Variants in GPN2 observed in about 807,000 individuals in gnomAD.
GPN2 encodes ATP-binding domain 1 family member B.
A neutral mutation model predicts 30.1 loss-of-function variants in GPN2; 27 were observed. That is an observed-to-expected ratio of 0.90 (90% confidence interval 0.66 to 1.24). GPN2 has a LOEUF of 1.24. Among genes scored for constraint, GPN2 ranks in the 50% most tolerant of loss-of-function variants. The probability of loss-of-function intolerance (pLI) is 0.00; values close to 1 mark genes in which losing one functional copy is unlikely to be tolerated. For synonymous variants in GPN2, 212 were observed against 174.4 expected (o/e 1.22, Z -1.70); for missense variants, 406 against 405.4 (o/e 1.00, Z -0.01).
At chr1:26,887,827 C>T (rs935600347) in intron 2 of GPN2, among the ~76,000 whole-genome samples, 3 of 151,100 alleles carry the variant, frequency 2.0e-5, no homozygotes, top group Admixed American at 6.6e-5. Flanking sequence ...TCCCAAAGTG[C>T]TGGGATTACA....
intron 2 of GPN2, chr1:26,886,588 A>C (rs113312820): frequency 2.5e-6 from 1 of 398,092 alleles, no homozygotes. Context: ...ACTTTGGGAG[A>C]TGGACGGATC....
At chr1:26,888,401 T>A (rs2081902439) in intron 2 of GPN2, among the ~76,000 whole-genome samples, 1 of 152,194 alleles carries the variant, frequency 6.6e-6, no homozygotes, top group South Asian at 2.1e-4. Context: ...GATCTTGGAC[T>A]TACCAGCCTC....
At position 26,887,554 on chromosome 1, in the gene GPN2, G is replaced by A. The variant is rs549637359; in HGVS notation, c.568+1415C>T. On this transcript the variant is annotated intron_variant, in intron 2 of 4. Coordinates refer to ENST00000374135, the MANE Select transcript of GPN2 (RefSeq NM_018066.4). ...TTAGGGAACAATGTCCCCAGTTCAG[G>A]AGAGTACTAATTTTTTTTTTTTTTT... 4.6e-5 allele frequency among the ~76,000 whole-genome samples: 7 copies of A among 152,066 alleles called. No homozygotes were observed. In the East Asian group the frequency reaches 1.4e-3, roughly 29 times the overall value.
intron 4 of GPN2, among the ~76,000 whole-genome samples, chr1:26,882,826 C>T (rs1243035044): frequency 6.6e-6 from 1 of 152,222 alleles, no homozygotes; most frequent in East Asian, 1.9e-4. Flanking sequence ...CTGAACACAG[C>T]ACATCTGCCA....
chr1:26,886,174 G>C, intron 2 of GPN2, 41 bp from the exon 3 acceptor site: 1 of 1,482,604 alleles, frequency 6.7e-7, no homozygotes. Context: ...CCAGTATCAG[G>C]CTAAAGACCT....
chr1:26,889,814 G>A lies in GPN2; in HGVS notation c.283C>T (p.Leu95=). Residue 95 remains leucine (L), a synonymous_variant, in exon 1 of 5, where the codon CTG becomes TTG. Coordinates refer to ENST00000374135, the MANE Select transcript of GPN2 (RefSeq NM_018066.4). ...MEYLEANLDW[L]RAKLDPLRGH... is the part of the protein sequence containing the mutation. Reference sequence around the variant, plus strand: ...CGGAGGGGGTCGAGCTTGGCACGCAGCCAGTCCAGGTTGGCTTCCAGGTAC... The same window carrying A: ...CGGAGGGGGTCGAGCTTGGCACGCAACCAGTCCAGGTTGGCTTCCAGGTAC... 1.9e-6 allele frequency: 3 copies of A among 1,613,860 alleles called. No individual in the cohort carries two copies. The highest frequency in any genetic ancestry group is 1.1e-5 in the South Asian group (1 of 91,086).
intron 4 of GPN2, among the ~76,000 whole-genome samples, chr1:26,883,099 G>A (rs1260968826): frequency 2.0e-5 from 3 of 152,004 alleles, no homozygotes; most frequent in Admixed American, 6.5e-5. Flanking sequence ...CCCCAATCAC[G>A]TCCCTTAAAT....
chr1:26,886,046 C>A lies in GPN2; in HGVS notation c.656G>T (p.Arg219Leu). The change falls in exon 3 of 5, where the codon CGC (arginine) becomes CTC (leucine). Residue 219 changes from arginine (R) to leucine (L), a missense_variant. Physicochemically the swap from Arg to Leu is moderately radical, Grantham distance 102. Transcript: ENST00000374135. ...LASDPFFRHY[R>L]QLNEKLVQLI... ...CTGCACTAGCTTCTCATTGAGCTGG[C>A]GGTAGTGGCGGAAGAAAGGGTCAGA... The A allele has an allele frequency of 6.2e-7, 1 of 1,613,006 alleles. No homozygotes were observed. The highest frequency in any genetic ancestry group is 8.5e-7 in the Non-Finnish European group (1 of 1,179,100).
At chr1:26,884,679 A>G (rs1292580861) in intron 3 of GPN2, among the ~76,000 whole-genome samples, 1 of 152,202 alleles carries the variant, frequency 6.6e-6, no homozygotes, top group Non-Finnish European at 1.5e-5. Flanking sequence ...ATGAATATGC[A>G]TGTTTTAAAT....
chr1:26,885,927 G>C (rs187131037), intron 3 of GPN2, 46 bp downstream of exon 3: 29 of 1,452,822 alleles, frequency 2.0e-5, no homozygotes, highest in Non-Finnish European at 6.7e-6. Flanking sequence ...CTTTTGGCTT[G>C]GTGAATCCCA....
At chr1:26,886,548 G>A (rs1277935225) in intron 2 of GPN2, 2 of 437,834 alleles carry the variant, frequency 4.6e-6, no homozygotes, top group Admixed American at 2.4e-5. Context: ...AATTAGGCCA[G>A]GTGCGGTGGC....
rs77967497 is a variant in GPN2 at position 26,886,210 on chromosome 1, T to C, written c.569-77A>G. On this transcript the variant is annotated intron_variant, in intron 2 of 4. Coordinates refer to ENST00000374135, the MANE Select transcript of GPN2 (RefSeq NM_018066.4). ...GAGGACGAGGTTCCTTTTTCCTTTT[T>C]TCCTTTGTGCACTCATGCACTCAAA... 5,697 of 990,342 alleles carry C rather than the reference T, an allele frequency of 5.8e-3. 224 individuals carry two copies. In the African/African-American group the frequency reaches 0.08, roughly 14 times the overall value. The allele number at this position is 990,342 out of a possible 1,614,324, so 61.3% of individuals were successfully genotyped here.
chr1:26,884,033 C>T (rs1321879720), intron 4 of GPN2, 127 bp downstream of exon 4: 2 of 715,814 alleles, frequency 2.8e-6, no homozygotes, highest in African/African-American at 1.9e-5. Context: ...GAGCAAGACT[C>T]CATCTCAAAA....
chr1:26,884,311 C>T, intron 3 of GPN2, 21 bp from the exon 4 acceptor site: 1 of 1,594,276 alleles, frequency 6.3e-7, no homozygotes. Flanking sequence ...AGGAGAGAAA[C>T]AGTTCTGTGA....
chr1:26,883,469 G>C (rs1034837804), intron 4 of GPN2, among the ~76,000 whole-genome samples: 1 of 152,026 alleles, frequency 6.6e-6, no homozygotes, highest in Non-Finnish European at 1.5e-5. Flanking sequence ...CAGTCATCAG[G>C]AAGCCCAACT....
At position 26,884,359 on chromosome 1, in the gene GPN2, A is replaced by C; in HGVS notation, c.730-69T>G. ...TATGTAAAACTGCTTGCAATCTCTA[A>C]ATACACCTTCCTCCATCTTGCCTCT... is the stretch of plus-strand genomic sequence containing the variant. On this transcript the variant is annotated intron_variant, in intron 3 of 4. Coordinates refer to ENST00000374135, the MANE Select transcript of GPN2 (RefSeq NM_018066.4). 5 of 1,497,602 alleles carry C rather than the reference A, an allele frequency of 3.3e-6. No individual in the cohort carries two copies. In the South Asian group the frequency reaches 5.2e-5, roughly 15 times the overall value. The allele number at this position is 1,497,602 out of a possible 1,614,324, so 92.8% of individuals were successfully genotyped here.
rs1240689420 is a variant in GPN2 at position 26,886,126 on chromosome 1, G to C, written c.576C>G (p.Asn192Lys). The C allele has an allele frequency of 6.2e-7, 1 of 1,613,176 alleles. No individual in the cohort carries two copies. The highest frequency in any genetic ancestry group is 2.2e-5 in the East Asian group (1 of 44,872). ...LIEHYGKLAF[N>K]LDYYTEVLDL... ...CCAGAACCTCTGTGTAGTAGTCCAG[G>C]TTGAAGGCTAAAGAGAGAAACCAGT... Residue 192 changes from asparagine to lysine, a missense_variant, in exon 3 of 5, where the codon AAC becomes AAG. Coordinates refer to ENST00000374135, the MANE Select transcript of GPN2 (RefSeq NM_018066.4).
In GPN2 at chr1:26,889,687, C is replaced by G; in HGVS notation, c.410G>C (p.Arg137Thr). Residue 137 changes from arginine (R) to threonine (T), a missense_variant and splice_region_variant, in exon 1 of 5, where the codon AGG becomes ACG. By Grantham distance (71) the Arg-to-Thr change is moderately conservative. Coordinates refer to ENST00000374135, the MANE Select transcript of GPN2 (RefSeq NM_018066.4). Reference sequence around the variant, plus strand: ...GGGCCTCCCCGCCCTGAGACGCACCCTGAGGTCCCACTGCGCCATTTGGGA... The same window carrying G: ...GGGCCTCCCCGCCCTGAGACGCACCGTGAGGTCCCACTGCGCCATTTGGGA... ...IFSQMAQWDL[R>T]LTAVHLVDSH... 2 of 1,573,912 alleles carry G rather than the reference C, an allele frequency of 1.3e-6. No individual in the cohort carries two copies. The highest frequency in any genetic ancestry group is 2.7e-5 in the African/African-American group (2 of 74,430).
Position 26,890,011 on chromosome 1 carries a change from A to C in GPN2, c.86T>G (p.Met29Arg). ...GCCCAGCGCGCGCAGGAACTCACTC[A>C]TGCCCAGGCAGTACGTGGTCTTCCC... ...GSGKTTYCLG[M>R]SEFLRALGRR... Residue 29 changes from methionine to arginine, a missense_variant, in exon 1 of 5, where the codon ATG becomes AGG. Physicochemically the swap from Met to Arg is moderately conservative, Grantham distance 91. Coordinates refer to ENST00000374135, the MANE Select transcript of GPN2 (RefSeq NM_018066.4). 6.3e-7 allele frequency: 1 copy of C among 1,599,560 alleles called. No homozygotes were observed. Among genetic ancestry groups the C allele is most frequent in the Non-Finnish European group, 8.5e-7 (1 of 1,179,122 alleles).
Sources: gnomAD v4.1 joint callset for allele counts (sites outside exome capture counted in the v4.1 genomes callset) on GRCh38, gnomAD v4.1.1 for gene constraint, MANE v1.5 for transcripts, NCBI Gene and HGNC (gene_info 2026-07-23, HGNC 2026-07-21) for gene names.